Variants in THOC2 observed in about 807,000 individuals in gnomAD.
The protein encoded by THOC2 is THO complex subunit 2.
THOC2 carries 10 observed loss-of-function variants against 128.4 expected under a neutral mutation model. That is an observed-to-expected ratio of 0.08 (90% confidence interval 0.05 to 0.13). The LOEUF (loss-of-function observed/expected upper bound fraction) is 0.13, where lower values mean the gene tolerates loss of function less well. THOC2 is among the 10% of genes least tolerant of loss of function. The pLI, the probability that THOC2 is intolerant of heterozygous loss-of-function variation, is 1.00. For synonymous variants in THOC2, 393 were observed against 396.9 expected (o/e 0.99, Z 0.12); for missense variants, 535 against 1,155.7 (o/e 0.46, Z 7.79).
chrX:123,619,446 A>G lies in THOC2; in HGVS notation c.4276-10T>C. On this transcript the variant is annotated splice_polypyrimidine_tract_variant and intron_variant, in intron 32 of 38. Transcript: ENST00000245838. ...GTTCGATGAGACTGTCCTGTAGAAA[A>G]TGAATGGAGATGACAGGTGAGCTGG... 8.3e-7 allele frequency: 1 copy of G among 1,208,126 alleles called. No individual in the cohort carries two copies. The highest frequency in any genetic ancestry group is 1.1e-6 in the Non-Finnish European group (1 of 893,034).
intron 36 of THOC2, among the ~76,000 whole-genome samples, chrX:123,611,779 T>C (rs779575499): frequency 3.0e-4 from 32 of 105,764 alleles, no homozygotes; most frequent in African/African-American, 1.0e-3. Context: ...ACCTATCTCA[T>C]AAGGATCTAG....
chrX:123,715,091 C>G lies in THOC2; in HGVS notation c.72-2183G>C, dbSNP rs745422872. The stretch of plus-strand genomic sequence containing the variant: ...CTGGACTGTAATGGCAAAATCTTGG[C>G]TCACTGCAGCCTCGACCTGAGCTCA... On this transcript the variant is annotated intron_variant, in intron 1 of 38. Coordinates refer to ENST00000245838, the MANE Select transcript of THOC2 (RefSeq NM_001081550.2). Among the ~76,000 whole-genome samples, 7 of 100,812 alleles carry G rather than the reference C, an allele frequency of 6.9e-5. No homozygotes were observed. The East Asian group carries it at 2.3e-3, about 33-fold the overall frequency. 87.5% of individuals were successfully genotyped at this position (100,812 alleles called of 115,157 possible). A position where few individuals can be genotyped will look rare whatever the true frequency, so the allele number is the denominator to read the frequency against.
In THOC2 at chrX:123,723,519, C is replaced by T. The variant is rs758919880; in HGVS notation, c.71+9433G>A. On this transcript the variant is annotated intron_variant, in intron 1 of 38. Transcript: ENST00000245838. ...CTGTTAGTAATAGCCAAAAACTAGA[C>T]GCAACAAAAATGTTTAACAAGACAG... Among the ~76,000 whole-genome samples the T allele has an allele frequency of 6.5e-4, 72 of 110,699 alleles. 1 individual carries two copies. The highest frequency in any genetic ancestry group is 2.0e-3 in the African/African-American group (60 of 30,480).
intron 1 of THOC2, among the ~76,000 whole-genome samples, chrX:123,731,867 C>A (rs2052278311): frequency 9.0e-6 from 1 of 111,678 alleles, no homozygotes; most frequent in South Asian, 3.8e-4. Context: ...TTAGCATGAG[C>A]CACGGTAAAC....
intron 15 of THOC2, among the ~76,000 whole-genome samples, chrX:123,641,086 T>C (rs2047894610): frequency 9.0e-6 from 1 of 111,099 alleles, no homozygotes; most frequent in Admixed American, 9.5e-5. Context: ...TATGTAACTT[T>C]ACTCCCTCAA....
At chrX:123,667,395 G>A in intron 10 of THOC2, 117 bp from the exon 11 acceptor site, 1 of 503,417 alleles carries the variant, frequency 2.0e-6, no homozygotes, top group Non-Finnish European at 3.2e-6. Flanking sequence ...CTATTCATGG[G>A]AAATTAAACA....
intron 9 of THOC2, among the ~76,000 whole-genome samples, chrX:123,668,760 TC>T (rs1158388515): frequency 8.9e-6 from 1 of 112,444 alleles, no homozygotes; most frequent in Non-Finnish European, 1.9e-5. Flanking sequence ...ATTTAAATCA[TC>T]TAAATGAAAA....
At chrX:123,692,150 T>A (rs1335199298) in intron 7 of THOC2, among the ~76,000 whole-genome samples, 1 of 111,582 alleles carries the variant, frequency 9.0e-6, no homozygotes, top group Non-Finnish European at 1.9e-5. Context: ...GATGCTCTGA[T>A]TTTTTTTGAA....
At chrX:123,638,788 A>G (rs779207137) in intron 17 of THOC2, 146 bp downstream of exon 17, 108 of 414,226 alleles carry the variant, frequency 2.6e-4, no homozygotes, top group African/African-American at 2.2e-3. Context: ...ACACACACAC[A>G]CACACACAAT....
intron 1 of THOC2, among the ~76,000 whole-genome samples, chrX:123,731,434 G>T (rs6655775): frequency 3.6e-5 from 4 of 111,885 alleles, no homozygotes; most frequent in African/African-American, 1.3e-4. Context: ...CCAATTAATT[G>T]CTAACCTGAG....
rs2049121994 is a variant in THOC2 at position 123,668,164 on chromosome X, C to G, written c.1012G>C (p.Glu338Gln). 3 of 1,173,238 alleles carry G rather than the reference C, an allele frequency of 2.6e-6. No homozygotes were observed. The highest frequency in any genetic ancestry group is 4.8e-5 in the Admixed American group (2 of 41,719). The change falls in exon 10 of 39, where the codon GAG becomes CAG. Residue 338 changes from glutamate (E) to glutamine (Q), a missense_variant. Physicochemically the swap from Glu to Gln is conservative, Grantham distance 29. Transcript: ENST00000245838. ...KEKEKEEEKV[E>Q]KPPDNQKLGL... ...TACTAGAATGAATTACATACTTTCT[C>G]TACTTTCTCCTCTTCTTTTTCCTTT...
chrX:123,634,569 G>A (rs746044008), intron 19 of THOC2, among the ~76,000 whole-genome samples: 8 of 111,588 alleles, frequency 7.2e-5, no homozygotes, highest in African/African-American at 1.3e-4. Flanking sequence ...TACATGTAAC[G>A]CTGATACAAT....
Position 123,647,840 on chromosome X carries a change from CAAAAAAAAAAAAA to C in THOC2, c.1387-2478_1387-2466del, listed in dbSNP as rs60123342. On this transcript the variant is annotated intron_variant, in intron 12 of 38. Transcript: ENST00000245838. ...TAAGCAACACAACAAGACTCTGTCT[CAAAAAAAAAAAAA>C]AAAAAAAAAGATTTTGAAAATGGAA... Among the ~76,000 whole-genome samples, 269 of 37,534 alleles carry C rather than the reference CAAAAAAAAAAAAA, an allele frequency of 7.2e-3. 2 individuals are homozygous for C. Among genetic ancestry groups the C allele is most frequent in the African/African-American group, 0.027 (256 of 9,439 alleles). The allele number at this position is 37,534 out of a possible 115,157, so 32.6% of individuals were successfully genotyped here.
At chrX:123,603,033 G>T (rs2046340784) in intron 38 of THOC2, 2 of 107,873 alleles carry the variant, frequency 1.9e-5, no homozygotes, top group African/African-American at 6.8e-5. Flanking sequence ...AAAGTGAAAG[G>T]TAAATTTGAT....
chrX:123,731,735 T>C (rs2052267158), intron 1 of THOC2, among the ~76,000 whole-genome samples: 1 of 110,749 alleles, frequency 9.0e-6, no homozygotes, highest in African/African-American at 3.3e-5. Context: ...TAAGACTTCA[T>C]ACAGCAGTGC....
chrX:123,613,898 G>A (rs375939850), intron 34 of THOC2, among the ~76,000 whole-genome samples, 154 bp downstream of exon 34: 2 of 111,118 alleles, frequency 1.8e-5, no homozygotes, highest in Admixed American at 9.6e-5. Context: ...CCTTATTAAC[G>A]TAGAAAATGC....
intron 36 of THOC2, among the ~76,000 whole-genome samples, chrX:123,613,056 C>T (rs2046761631): frequency 9.0e-6 from 1 of 111,048 alleles, no homozygotes; most frequent in Admixed American, 9.6e-5. Flanking sequence ...ATACATGTGA[C>T]CATATTTTAA....
intron 3 of THOC2, among the ~76,000 whole-genome samples, chrX:123,706,382 T>A (rs1287466510): frequency 1.8e-5 from 2 of 111,333 alleles, no homozygotes; most frequent in African/African-American, 3.2e-5. Context: ...TCTTTTTTTT[T>A]AATTATACTT....
rs2147681337 is a variant in THOC2 at position 123,640,560 on chromosome X, T to C, written c.1724A>G (p.Asn575Ser). The change falls in exon 16 of 39, where the codon AAT becomes AGT. Residue 575 changes from asparagine to serine, a missense_variant. Coordinates refer to ENST00000245838, the MANE Select transcript of THOC2 (RefSeq NM_001081550.2). Reference protein sequence around the residue: ...GRQIGKLSHSNPTILFDYILS... With the variant: ...GRQIGKLSHSSPTILFDYILS... ...TACATAATCAAACAAAATGGTTGGA[T>C]TGCTGTGGCTCAACTTCCCAATTTG... is the stretch of plus-strand genomic sequence containing the variant. The C allele has an allele frequency of 8.4e-7, 1 of 1,193,783 alleles. No individual in the cohort carries two copies. Among genetic ancestry groups the C allele is most frequent in the South Asian group, 1.9e-5 (1 of 53,616 alleles).
Sources: gnomAD v4.1 joint callset for allele counts (sites outside exome capture counted in the v4.1 genomes callset) on GRCh38, gnomAD v4.1.1 for gene constraint, MANE v1.5 for transcripts, NCBI Gene and HGNC (gene_info 2026-07-23, HGNC 2026-07-21) for gene names.